CDKL2: variants seen among roughly 807,000 people sequenced by gnomAD.
CDKL2 encodes cyclin dependent kinase like 2.
A neutral mutation model predicts 63.9 loss-of-function variants in CDKL2; 64 were observed. The observed-to-expected ratio is 1.00, with a 90% CI of 0.82 to 1.23. The LOEUF (loss-of-function observed/expected upper bound fraction) is 1.23. Ranked by LOEUF, CDKL2 falls within the 50% of genes most tolerant of loss-of-function variation. CDKL2 has a pLI of 0.00. For synonymous variants in CDKL2, 211 were observed against 229.2 expected, an observed-to-expected ratio of 0.92 and a Z score of 0.72; for missense variants, 656 against 668.0, an observed-to-expected ratio of 0.98 and a Z score of 0.20.
At chr4:75,581,253 A>G (rs778785775) in intron 13 of CDKL2, among the ~76,000 whole-genome samples, 1 of 152,208 alleles carries the variant, frequency 6.6e-6, no homozygotes, top group Non-Finnish European at 1.5e-5. Flanking sequence ...GTTTTGATAT[A>G]TGAATATTTA....
Position 75,603,834 on chromosome 4 carries a change from C to A in CDKL2, c.778G>T (p.Val260Leu), listed in dbSNP as rs758757222. 4 of 1,606,582 alleles carry A rather than the reference C, an allele frequency of 2.5e-6. No homozygotes were observed. Among genetic ancestry groups the A allele is most frequent in the East Asian group, 4.5e-5 (2 of 44,762 alleles). Reference sequence around the variant, plus strand: ...ATGATTACCTTTGCTAAATCTATCACCACTTCAGAGAGCTTAGGATAGCGT... The same window carrying A: ...ATGATTACCTTTGCTAAATCTATCAACACTTCAGAGAGCTTAGGATAGCGT... ...ERRYPKLSEV[V>L]IDLAKKCLHI... Residue 260 changes from valine to leucine, a missense_variant, in exon 6 of 14, where the codon GTG becomes TTG. Coordinates refer to ENST00000307465, the MANE Select transcript of CDKL2 (RefSeq NM_001330724.2).
At chr4:75,599,548 C>CCA (rs1729090810) in intron 7 of CDKL2, among the ~76,000 whole-genome samples, 1 of 69,654 alleles carries the variant, frequency 1.4e-5, no homozygotes, top group Admixed American at 2.1e-4. Context: ...GCAACAAGAG[C>CCA]AAAAAAAAAA....
At chr4:75,579,633 G>A (rs1272979433) in intron 13 of CDKL2, among the ~76,000 whole-genome samples, 5 of 152,134 alleles carry the variant, frequency 3.3e-5, no homozygotes, top group African/African-American at 1.2e-4. Context: ...CAGAGATCAC[G>A]CCATTGCACT....
intron 2 of CDKL2, among the ~76,000 whole-genome samples, chr4:75,615,542 C>T (rs912305524): frequency 1.3e-5 from 2 of 152,168 alleles, no homozygotes; most frequent in Non-Finnish European, 2.9e-5. Context: ...CAAGTAAAAG[C>T]ATGAATGAGC....
chr4:75,620,699 G>A (rs1417586086), intron 2 of CDKL2, among the ~76,000 whole-genome samples: 1 of 152,122 alleles, frequency 6.6e-6, no homozygotes, highest in East Asian at 1.9e-4. Context: ...CCACTTTAGA[G>A]GGAAGACTAA....
At chr4:75,628,187 C>T (rs1406145410) in intron 1 of CDKL2, among the ~76,000 whole-genome samples, 3 of 150,480 alleles carry the variant, frequency 2.0e-5, no homozygotes, top group Non-Finnish European at 2.9e-5. Context: ...GCGATCTTGG[C>T]TCACTGCAAA....
At chr4:75,624,741 C>A (rs1414215520) in intron 2 of CDKL2, among the ~76,000 whole-genome samples, 2 of 151,856 alleles carry the variant, frequency 1.3e-5, no homozygotes, top group African/African-American at 4.8e-5. Flanking sequence ...ACCTGTAGTC[C>A]CAGCTGCTTG....
chr4:75,612,012 C>G (rs1729722662), intron 3 of CDKL2, among the ~76,000 whole-genome samples: 3 of 152,052 alleles, frequency 2.0e-5, no homozygotes, highest in Non-Finnish European at 4.4e-5. Context: ...GCCATGTTGC[C>G]CAGGCTGGAG....
chr4:75,629,974 A>T (rs1288254053), intron 1 of CDKL2, 68 bp downstream of exon 1: 1 of 131,520 alleles, frequency 7.6e-6, no homozygotes, highest in Non-Finnish European at 1.6e-5. Context: ...AAAAAAAAAA[A>T]AAAAGATTGA....
At chr4:75,592,367 G>T in intron 10 of CDKL2, 98 bp from the exon 11 acceptor site, 1 of 992,744 alleles carries the variant, frequency 1.0e-6, no homozygotes, top group Non-Finnish European at 1.3e-6. Context: ...TAAAATTTGT[G>T]AAATTGAAGG....
At chr4:75,625,725 T>A in intron 2 of CDKL2, 96 bp downstream of exon 2, 1 of 815,486 alleles carries the variant, frequency 1.2e-6, no homozygotes, top group Non-Finnish European at 1.9e-6. Flanking sequence ...ATTCACCAGA[T>A]AAATGAATTT....
intron 2 of CDKL2, among the ~76,000 whole-genome samples, chr4:75,625,036 C>T (rs184314435): frequency 8.5e-5 from 13 of 152,224 alleles, no homozygotes; most frequent in Admixed American, 6.5e-4. Flanking sequence ...TCAATAATCA[C>T]AAAGGAAGAC....
Position 75,619,953 on chromosome 4 carries a change from G to A in CDKL2, c.169-5504C>T, listed in dbSNP as rs542862634. Among the ~76,000 whole-genome samples, 8 of 152,274 alleles carry A rather than the reference G, an allele frequency of 5.3e-5. No individual in the cohort carries two copies. In the South Asian group the frequency reaches 8.3e-4, roughly 16 times the overall value. ...TGATTCTAGCATTTGGGTAGGTTGAGGCAGAAAAATTGCTTGAGCTCAGTA... is the reference window on the plus strand; with the variant it reads ...TGATTCTAGCATTTGGGTAGGTTGAAGCAGAAAAATTGCTTGAGCTCAGTA... On this transcript the variant is annotated intron_variant, in intron 2 of 13. Coordinates refer to ENST00000307465, the MANE Select transcript of CDKL2 (RefSeq NM_001330724.2).
intron 9 of CDKL2, 76 bp from the exon 10 acceptor site, chr4:75,596,416 C>T: frequency 2.4e-6 from 2 of 825,850 alleles, no homozygotes; most frequent in South Asian, 2.8e-5. Context: ...CTAAATGACA[C>T]AGCACCAACT....
chr4:75,629,166 G>A (rs1730565998), intron 1 of CDKL2, among the ~76,000 whole-genome samples: 1 of 151,670 alleles, frequency 6.6e-6, no homozygotes, highest in South Asian at 2.1e-4. Context: ...TTAAGCACTA[G>A]GCTTTAGGTT....
At chr4:75,582,521 A>G (rs1312264296) in intron 12 of CDKL2, among the ~76,000 whole-genome samples, 3 of 152,134 alleles carry the variant, frequency 2.0e-5, no homozygotes, top group African/African-American at 7.2e-5. Context: ...GAAAAAGTGA[A>G]CAGAGTCTCG....
At chr4:75,625,518 A>G (rs1246519663) in intron 2 of CDKL2, among the ~76,000 whole-genome samples, 1 of 152,166 alleles carries the variant, frequency 6.6e-6, no homozygotes, top group Non-Finnish European at 1.5e-5. Context: ...ATTAGGGAAA[A>G]GGGCTGCAAA....
chr4:75,597,019 G>A lies in CDKL2; in HGVS notation c.1238C>T (p.Pro413Leu). 1 of 1,614,150 alleles carries A rather than the reference G, an allele frequency of 6.2e-7. No homozygotes were observed. The highest frequency in any genetic ancestry group is 2.2e-5 in the East Asian group (1 of 44,886). The stretch of plus-strand genomic sequence containing the variant: ...TGCAGAAAGATTGTGTGTAAGTGGG[G>A]GAATTGCCACGCTTGGATTCCTTGT... The part of the protein sequence containing the change: ...DHTRNPSVAI[P>L]PLTHNLSAVA... The change falls in exon 9 of 14, where the codon CCC (proline) becomes CTC (leucine). Residue 413 changes from proline (P) to leucine (L), a missense_variant. Pro to Leu is a moderately conservative substitution (Grantham distance 98, BLOSUM62 -3). Coordinates refer to ENST00000307465, the MANE Select transcript of CDKL2 (RefSeq NM_001330724.2).
intron 13 of CDKL2, among the ~76,000 whole-genome samples, chr4:75,581,505 G>A (rs1434970410): frequency 6.6e-6 from 1 of 152,218 alleles, no homozygotes; most frequent in East Asian, 1.9e-4. Context: ...CAGGGCAAAT[G>A]ACTGATAAGG....
Sources: gnomAD v4.1 joint callset for allele counts (sites outside exome capture counted in the v4.1 genomes callset) on GRCh38, gnomAD v4.1.1 for gene constraint, MANE v1.5 for transcripts, NCBI Gene and HGNC (gene_info 2026-07-23, HGNC 2026-07-21) for gene names.